Variants in HTR7 observed in about 807,000 individuals in gnomAD.
HTR7 encodes the protein 5-hydroxytryptamine receptor 7.
HTR7 carries 16 observed loss-of-function variants against 34.0 expected under a neutral mutation model. The observed-to-expected ratio is 0.47, with a 90% CI of 0.32 to 0.71. HTR7 has a LOEUF of 0.71. HTR7 is among the 30% of genes least tolerant of loss of function. The probability of loss-of-function intolerance (pLI) is 0.04; values close to 1 mark genes in which losing one functional copy is unlikely to be tolerated. For synonymous variants in HTR7, 265 were observed against 260.2 expected (o/e 1.02, Z -0.18); for missense variants, 504 against 625.5 (o/e 0.81, Z 2.07).
intron 1 of HTR7, among the ~76,000 whole-genome samples, chr10:90,842,331 T>C (rs1846341587): frequency 6.6e-6 from 1 of 152,202 alleles, no homozygotes; most frequent in African/African-American, 2.4e-5. Flanking sequence ...CTTCCCAGCC[T>C]CTAGAACTGT....
At chr10:90,747,442 C>A (rs1272968619) in intron 2 of HTR7, among the ~76,000 whole-genome samples, 3 of 152,094 alleles carry the variant, frequency 2.0e-5, no homozygotes, top group African/African-American at 7.2e-5. Flanking sequence ...ATATTGTGAA[C>A]AATCTCGTGT....
intron 3 of HTR7, 136 bp downstream of exon 3, chr10:90,743,457 A>G: frequency 1.4e-6 from 1 of 710,566 alleles, no homozygotes; most frequent in East Asian, 2.6e-5. Flanking sequence ...TTCCTAGCCC[A>G]GGGCCACTGT....
intron 1 of HTR7, among the ~76,000 whole-genome samples, chr10:90,777,076 G>C (rs56132525): frequency 0.14 from 21,684 of 152,068 alleles, 1,696 homozygotes; most frequent in East Asian, 0.2. Context: ...TTCCTCTGAG[G>C]GTCAGCAGGC....
rs1368792793 is a variant in HTR7, at chr10:90,741,623, A to G, written c.*859T>C. 6.6e-6 allele frequency: 1 copy of G among 152,472 alleles called. No individual in the cohort carries two copies. The highest frequency in any genetic ancestry group is 2.4e-5 in the African/African-American group (1 of 41,448). The allele number at this position is 152,472 out of a possible 1,614,324, so 9.4% of individuals were successfully genotyped here. On this transcript the variant is annotated 3_prime_UTR_variant, in exon 4 of 4. Coordinates refer to ENST00000336152, the MANE Select transcript of HTR7 (RefSeq NM_019859.4). ...TTCCCACACTTCTTCCACATAACAT[A>G]CAGTTATGGGCCAGCCCATGGGTGG...
chr10:90,793,684 ACACACG>A (rs1845494219), intron 1 of HTR7, among the ~76,000 whole-genome samples: 1 of 152,072 alleles, frequency 6.6e-6, no homozygotes, highest in African/African-American at 2.4e-5. Context: ...GAGTATTGAC[ACACACG>A]ATCACAAGGC....
At position 90,749,671 on chromosome 10, in the gene HTR7, T is replaced by TA; in HGVS notation, c.540-78dup. The TA allele has an allele frequency of 7.1e-7, 1 of 1,407,340 alleles. No homozygotes were observed. Among genetic ancestry groups the TA allele is most frequent in the East Asian group, 2.3e-5 (1 of 43,548 alleles). The allele number at this position is 1,407,340 out of a possible 1,614,324, so 87.2% of individuals were successfully genotyped here. ...AACCAAGCAAGTCCTGCCAGCCAGG[T>TA]ACCAGCGCCAGTCCTCGCAACAGCC... On this transcript the variant is annotated intron_variant, in intron 1 of 3. Transcript: ENST00000336152. This position sits in a 1 kb window ranked among gnomAD's most constrained non-coding sequence, Gnocchi z 4.2.
chr10:90,790,938 G>T (rs780504429), intron 1 of HTR7, among the ~76,000 whole-genome samples: 1 of 152,120 alleles, frequency 6.6e-6, no homozygotes, highest in South Asian at 2.1e-4. Context: ...TTCACAGGAA[G>T]TTTGTTAAAT....
At chr10:90,774,544 A>C (rs1222200325) in intron 1 of HTR7, among the ~76,000 whole-genome samples, 1 of 87,934 alleles carries the variant, frequency 1.1e-5, no homozygotes, top group Non-Finnish European at 2.1e-5. Flanking sequence ...AGTCAGATAT[A>C]TAGTTACTTT....
chr10:90,857,113 C>T lies in HTR7; in HGVS notation c.539+20G>A, dbSNP rs747326765. The T allele has an allele frequency of 3.3e-6, 5 of 1,523,894 alleles. No homozygotes were observed. Among genetic ancestry groups the T allele is most frequent in the Admixed American group, 4.1e-5 (2 of 48,808 alleles). The allele number at this position is 1,523,894 out of a possible 1,614,324, so 94.4% of individuals were successfully genotyped here. A position where few individuals can be genotyped will look rare whatever the true frequency, so the allele number is the denominator to read the frequency against. Reference sequence around the variant, plus strand: ...GCCGGTCCCCAGCCGGAGCCTGGGACGGGGCGGTCCGGCCCTTACCTGTCA... The same window carrying T: ...GCCGGTCCCCAGCCGGAGCCTGGGATGGGGCGGTCCGGCCCTTACCTGTCA... On this transcript the variant is annotated intron_variant, in intron 1 of 3. Coordinates refer to ENST00000336152, the MANE Select transcript of HTR7 (RefSeq NM_019859.4). This position sits in a 1 kb window ranked among gnomAD's most constrained non-coding sequence, Gnocchi z 6.5.
intron 1 of HTR7, among the ~76,000 whole-genome samples, chr10:90,816,809 G>A (rs1363363496): frequency 6.6e-6 from 1 of 152,184 alleles, no homozygotes; most frequent in African/African-American, 2.4e-5. Context: ...GGACTATCAT[G>A]GAAGAAGCGG....
intron 1 of HTR7, among the ~76,000 whole-genome samples, chr10:90,769,915 C>G (rs984979126): frequency 2.0e-5 from 3 of 152,362 alleles, no homozygotes; most frequent in South Asian, 4.1e-4. Flanking sequence ...GCAGGCAGTC[C>G]AGAGCAGCCG....
chr10:90,756,365 A>C (rs1483782017), intron 1 of HTR7, among the ~76,000 whole-genome samples: 4 of 152,204 alleles, frequency 2.6e-5, no homozygotes, highest in African/African-American at 9.7e-5. Flanking sequence ...GTTTTTTTAA[A>C]TACTAAAAGT....
At chr10:90,799,582 C>G (rs1464509505) in intron 1 of HTR7, among the ~76,000 whole-genome samples, 1 of 152,134 alleles carries the variant, frequency 6.6e-6, no homozygotes, top group Non-Finnish European at 1.5e-5. Flanking sequence ...CGCAAATCAT[C>G]TCCTGTACCC....
At chr10:90,789,723 A>T (rs1473320551) in intron 1 of HTR7, among the ~76,000 whole-genome samples, 2 of 152,178 alleles carry the variant, frequency 1.3e-5, no homozygotes, top group Admixed American at 6.5e-5. Context: ...CACTTGCTGA[A>T]TGCATTATGA....
intron 1 of HTR7, among the ~76,000 whole-genome samples, chr10:90,770,008 C>A (rs147623591): frequency 3.7e-4 from 57 of 152,358 alleles, no homozygotes; most frequent in Middle Eastern, 3.4e-3. Context: ...AGTGGCTGGA[C>A]CCCTGTGCCC....
At chr10:90,806,667 C>T (rs1469651020) in intron 1 of HTR7, among the ~76,000 whole-genome samples, 1 of 151,756 alleles carries the variant, frequency 6.6e-6, no homozygotes, top group Non-Finnish European at 1.5e-5. Context: ...GTAAAAGTTA[C>T]CAGTGGAGTT....
chr10:90,827,087 CA>C (rs1279112021), intron 1 of HTR7, among the ~76,000 whole-genome samples: 1 of 151,672 alleles, frequency 6.6e-6, no homozygotes, highest in East Asian at 1.9e-4. Context: ...CAAATTCAAC[CA>C]TACCACTAGA....
chr10:90,745,831 A>G (rs1183158018), intron 2 of HTR7, among the ~76,000 whole-genome samples: 1 of 152,216 alleles, frequency 6.6e-6, no homozygotes, highest in Non-Finnish European at 1.5e-5. Context: ...CAGTGAGATG[A>G]GTAGTTTCAA....
intron 1 of HTR7, among the ~76,000 whole-genome samples, chr10:90,779,794 G>A (rs948240633): frequency 6.6e-6 from 1 of 152,178 alleles, no homozygotes; most frequent in Non-Finnish European, 1.5e-5. Flanking sequence ...TTTGTCACGT[G>A]TCCAGATGGA....
Sources: allele counts gnomAD v4.1 joint callset (sites outside exome capture counted in the v4.1 genomes callset), GRCh38; gene constraint gnomAD v4.1.1; non-coding constraint Gnocchi (gnomAD v3.1); transcripts MANE v1.5; gene names NCBI Gene and HGNC (gene_info 2026-07-23, HGNC 2026-07-21).